DPP6: variants seen among roughly 807,000 people sequenced by gnomAD.
DPP6 encodes the protein A-type potassium channel modulatory protein DPP6.
DPP6 carries 69 observed loss-of-function variants against 122.6 expected under a neutral mutation model. That is an observed-to-expected ratio of 0.56 (90% CI 0.46 to 0.69). DPP6 has a LOEUF of 0.69. DPP6 is among the 30% of genes least tolerant of loss of function. The pLI, the probability that DPP6 is intolerant of heterozygous loss-of-function variation, is 0.00. For synonymous variants in DPP6, 418 were observed against 433.1 expected (o/e 0.97, Z 0.43); for missense variants, 928 against 1,116.9 (o/e 0.83, Z 2.41).
chr7:154,770,877 G>C (rs1796211011), intron 9 of DPP6, among the ~76,000 whole-genome samples: 2 of 152,352 alleles, frequency 1.3e-5, no homozygotes, highest in Admixed American at 6.5e-5. Flanking sequence ...GCCCGAGTAT[G>C]GACACAGCTC....
At chr7:153,904,113 A>G (rs573275423) in intron 1 of DPP6, among the ~76,000 whole-genome samples, 1 of 152,278 alleles carries the variant, frequency 6.6e-6, no homozygotes, top group Admixed American at 6.5e-5. Context: ...CGGCAGTGGC[A>G]TGATCTTGAC....
chr7:154,506,768 A>T (rs1460769766), intron 3 of DPP6, among the ~76,000 whole-genome samples: 3 of 152,160 alleles, frequency 2.0e-5, no homozygotes, highest in African/African-American at 7.2e-5. Flanking sequence ...ATGATAGCAA[A>T]AGTCAGGTGC....
chr7:154,265,252 G>A (rs1803347471), intron 1 of DPP6, among the ~76,000 whole-genome samples: 2 of 151,800 alleles, frequency 1.3e-5, no homozygotes, highest in Admixed American at 6.6e-5. Context: ...TGTTGATGGT[G>A]TTAATGGCGA....
intron 1 of DPP6, among the ~76,000 whole-genome samples, chr7:154,428,782 A>T (rs1818115915): frequency 6.6e-6 from 1 of 152,200 alleles, no homozygotes; most frequent in South Asian, 2.1e-4. Flanking sequence ...CTCACTTACA[A>T]GTGGCAGCTA....
the DPP6 span, among the ~76,000 whole-genome samples, chr7:153,778,388 T>C: frequency 1.3e-5 from 2 of 152,116 alleles, no homozygotes; most frequent in African/African-American, 4.8e-5. Context: ...TGTATAGTTG[T>C]TATGCATACA....
chr7:154,041,253 G>A (rs1261000404), intron 1 of DPP6, among the ~76,000 whole-genome samples: 1 of 152,130 alleles, frequency 6.6e-6, no homozygotes, highest in Non-Finnish European at 1.5e-5. Context: ...TTGAAGAAAT[G>A]TGCAAAAATC....
Position 154,760,153 on chromosome 7 carries a change from C to T in DPP6, c.884-9264C>T, listed in dbSNP as rs960294650. ...AAAAAAAAGTCTATTCCCAAGGAGA[C>T]AGGCATCCAGCTCAACTCTGCCTCC... On this transcript the variant is annotated intron_variant, in intron 8 of 25. Transcript: ENST00000377770. This position sits in a 1 kb window ranked among gnomAD's most constrained non-coding sequence, Gnocchi z 4.5. Among the ~76,000 whole-genome samples, 1 of 152,146 alleles carries T rather than the reference C, an allele frequency of 6.6e-6. No homozygotes were observed. The highest frequency in any genetic ancestry group is 1.5e-5 in the Non-Finnish European group (1 of 68,030).
At position 154,442,435 on chromosome 7, in the gene DPP6, A is replaced by G. The variant is rs572677687; in HGVS notation, c.244-3779A>G. Reference sequence around the variant, plus strand: ...CAGGCAAGACTTCCTACGATGTCAGAGGTGATATTTTAGCTGATAAGTAAA... The same window carrying G: ...CAGGCAAGACTTCCTACGATGTCAGGGGTGATATTTTAGCTGATAAGTAAA... On this transcript the variant is annotated intron_variant, in intron 1 of 25. Coordinates refer to ENST00000377770, the MANE Select transcript of DPP6 (RefSeq NM_130797.4). Among the ~76,000 whole-genome samples the G allele has an allele frequency of 2.0e-5, 3 of 152,296 alleles. 1 individual carries two copies. The East Asian group carries it at 5.8e-4, about 29-fold the overall frequency.
intron 1 of DPP6, among the ~76,000 whole-genome samples, chr7:154,342,593 C>T (rs1311205433): frequency 6.6e-6 from 1 of 152,160 alleles, no homozygotes; most frequent in African/African-American, 2.4e-5. Context: ...GATAAATTTC[C>T]TGGAGGCGAA....
At chr7:153,897,658 A>G (rs569013960) in intron 1 of DPP6, among the ~76,000 whole-genome samples, 3 of 152,316 alleles carry the variant, frequency 2.0e-5, no homozygotes, top group African/African-American at 4.8e-5. Context: ...TTCAACTTAT[A>G]TATGAAAGTT....
intron 1 of DPP6, among the ~76,000 whole-genome samples, chr7:154,362,746 C>T (rs1811836273): frequency 6.6e-6 from 1 of 152,050 alleles, no homozygotes; most frequent in Non-Finnish European, 1.5e-5. Flanking sequence ...TTAAATCCTT[C>T]TAGAAGGTAC....
Position 154,887,734 on chromosome 7 carries a change from GGTGT to G in DPP6, c.2304+3_2304+6del. Reference sequence around the variant, plus strand: ...ATGGACTTGACAACAGAGCATACGAGGTGTGTATGGGCACAACTAGAGAATGTGA... The same window carrying G: ...ATGGACTTGACAACAGAGCATACGAGGTATGGGCACAACTAGAGAATGTGA... On this transcript the variant is annotated splice_donor_variant and splice_donor_region_variant and intron_variant, in intron 23 of 25. Transcript: ENST00000377770. LOFTEE classifies it high-confidence loss of function. 6.2e-7 allele frequency: 1 copy of G among 1,613,744 alleles called. No homozygotes were observed. Among genetic ancestry groups the G allele is most frequent in the Non-Finnish European group, 8.5e-7 (1 of 1,179,678 alleles).
chr7:153,929,569 A>T (rs1236447409), intron 1 of DPP6, among the ~76,000 whole-genome samples: 8 of 152,022 alleles, frequency 5.3e-5, no homozygotes, highest in African/African-American at 1.9e-4. Flanking sequence ...GTGAATACAG[A>T]TAGAGGAGAG....
intron 3 of DPP6, among the ~76,000 whole-genome samples, chr7:154,522,254 G>A (rs891832439): frequency 4.6e-5 from 7 of 152,082 alleles, no homozygotes; most frequent in African/African-American, 1.7e-4. Flanking sequence ...GATTACAAGC[G>A]TGAGCCACCA....
At chr7:154,866,927 T>C (rs1400088098) in intron 17 of DPP6, among the ~76,000 whole-genome samples, 1 of 151,332 alleles carries the variant, frequency 6.6e-6, no homozygotes, top group Non-Finnish European at 1.5e-5. Context: ...TTCTCCTAGT[T>C]ATGGGCGGTC....
In DPP6 at chr7:153,960,197, A is replaced by G. The variant is rs138666371; in HGVS notation, c.51+72463A>G. Among the ~76,000 whole-genome samples the G allele has an allele frequency of 4.2e-3, 638 of 152,122 alleles. 4 individuals are homozygous for G. The highest frequency in any genetic ancestry group is 0.015 in the African/African-American group (605 of 41,500). The stretch of plus-strand genomic sequence containing the variant: ...TGTGGCCATTTCTTAAAATAAGACA[A>G]CAGTGAGGTTTGCCCCACTGATTGA... On this transcript the variant is annotated intron_variant, in intron 1 of 25. Transcript: ENST00000404039.
chr7:154,883,556 TCACA>T (rs199551230), intron 21 of DPP6: 1 of 64,606 alleles, frequency 1.5e-5, no homozygotes, highest in Non-Finnish European at 3.2e-5. Context: ...ACACACCTGC[TCACA>T]CATACACATA....
At chr7:153,784,859 GTAAGC>G in the DPP6 span, among the ~76,000 whole-genome samples, 26 of 151,654 alleles carry the variant, frequency 1.7e-4, no homozygotes, top group Admixed American at 1.3e-4. Context: ...ACAATTTAAA[GTAAGC>G]TGTTACAATA....
intron 1 of DPP6, among the ~76,000 whole-genome samples, chr7:154,063,281 G>GAA (rs1802322524): frequency 7.9e-6 from 1 of 126,528 alleles, no homozygotes; most frequent in Non-Finnish European, 1.7e-5. Context: ...CATCGCAGAG[G>GAA]GGGGAGGGAC....
Sources: allele counts gnomAD v4.1 joint callset (sites outside exome capture counted in the v4.1 genomes callset), GRCh38; gene constraint gnomAD v4.1.1; non-coding constraint Gnocchi (gnomAD v3.1); transcripts MANE v1.5; gene names NCBI Gene and HGNC (gene_info 2026-07-23, HGNC 2026-07-21).